The following PCDH9 variants were observed in gnomAD, a reference collection of about 807,000 sequenced individuals.
PCDH9 encodes protocadherin-9.
A neutral mutation model predicts 70.6 loss-of-function variants in PCDH9; 24 were observed. The observed-to-expected ratio is 0.34, with a 90% confidence interval of 0.25 to 0.48. The LOEUF is 0.48. Among genes scored for constraint, PCDH9 ranks in the 20% least tolerant of loss-of-function variants. PCDH9 has a pLI of 0.99. For synonymous variants in PCDH9, 562 were observed against 558.5 expected (o/e 1.01, Z -0.09); for missense variants, 1,281 against 1,503.6 (o/e 0.85, Z 2.45).
intron 3 of PCDH9, among the ~76,000 whole-genome samples, chr13:66,883,653 A>G (rs1329942555): frequency 6.6e-6 from 1 of 152,202 alleles, no homozygotes; most frequent in Non-Finnish European, 1.5e-5. Flanking sequence ...GGAGTTAAAA[A>G]AAGGCCTTCA....
intron 4 of PCDH9, among the ~76,000 whole-genome samples, chr13:66,534,345 T>C (rs1249853775): frequency 6.6e-6 from 1 of 152,158 alleles, no homozygotes; most frequent in African/African-American, 2.4e-5. Context: ...TGAAATTTAT[T>C]TCTCACAGTT....
At chr13:66,898,017 T>A (rs1048509464) in intron 3 of PCDH9, among the ~76,000 whole-genome samples, 4 of 152,072 alleles carry the variant, frequency 2.6e-5, no homozygotes, top group African/African-American at 4.8e-5. Flanking sequence ...TTGCCATTTT[T>A]CTGAGGTGCA....
intron 3 of PCDH9, among the ~76,000 whole-genome samples, chr13:66,874,951 G>C (rs2081774345): frequency 6.6e-6 from 1 of 151,476 alleles, no homozygotes. Flanking sequence ...GTGAGAGAGA[G>C]AGAGAGAGAG....
intron 2 of PCDH9, among the ~76,000 whole-genome samples, chr13:67,039,980 T>G (rs947287166): frequency 6.6e-6 from 1 of 151,926 alleles, no homozygotes; most frequent in African/African-American, 2.4e-5. Context: ...AGTTGAGAAT[T>G]GGTTGGTGTG....
At chr13:66,321,865 A>AT (rs1955761193) in intron 4 of PCDH9, among the ~76,000 whole-genome samples, 1 of 151,714 alleles carries the variant, frequency 6.6e-6, no homozygotes, top group African/African-American at 2.4e-5. Context: ...CTTGTCATCC[A>AT]TTCTTTGTTT....
rs1380725575 is a variant in PCDH9 at position 66,631,271 on chromosome 13, G to A, written c.3279C>T (p.Phe1093=). ...TCTTGTCCGGAGAGGCCTGGTCATA[G>A]AATTCGTCCTGTGGCTGAACCAGAG... is the stretch of plus-strand genomic sequence containing the variant. ...PLPLVQPQDE[F]YDQASPDKRT... is the part of the protein sequence containing the mutation. Residue 1093 remains phenylalanine (F), a synonymous_variant, in exon 4 of 5, where the codon TTC becomes TTT. Coordinates refer to ENST00000377865, the MANE Select transcript of PCDH9 (RefSeq NM_203487.3). The A allele has an allele frequency of 5.0e-6, 8 of 1,611,258 alleles. No homozygotes were observed. The South Asian group carries it at 8.8e-5, about 18-fold the overall frequency.
At chr13:66,522,286 G>T (rs1329392361) in intron 4 of PCDH9, among the ~76,000 whole-genome samples, 6 of 151,626 alleles carry the variant, frequency 4.0e-5, no homozygotes, top group African/African-American at 1.5e-4. Context: ...CAAAATAAGT[G>T]ACAAAGACAA....
intron 4 of PCDH9, among the ~76,000 whole-genome samples, chr13:66,443,344 G>T (rs977426254): frequency 1.3e-5 from 2 of 152,064 alleles, no homozygotes; most frequent in African/African-American, 4.8e-5. Flanking sequence ...TGGTCAAAAA[G>T]GGCATAGCAT....
At chr13:66,619,498 A>G (rs1182721947) in intron 4 of PCDH9, among the ~76,000 whole-genome samples, 1 of 152,172 alleles carries the variant, frequency 6.6e-6, no homozygotes, top group Admixed American at 6.5e-5. Flanking sequence ...AAAATTCACC[A>G]TGGTCATTTT....
At chr13:66,497,227 C>T (rs777788426) in intron 4 of PCDH9, among the ~76,000 whole-genome samples, 20 of 151,768 alleles carry the variant, frequency 1.3e-4, no homozygotes, top group Non-Finnish European at 2.5e-4. Context: ...TGTCACCACA[C>T]CTGGCTATTT....
intron 3 of PCDH9, among the ~76,000 whole-genome samples, chr13:66,654,897 T>C: frequency 6.6e-6 from 1 of 151,976 alleles, no homozygotes; most frequent in East Asian, 1.9e-4. Context: ...GTTTTTGTTT[T>C]TGTTTTTTTG....
chr13:67,100,139 A>C (rs2086402100), intron 2 of PCDH9, among the ~76,000 whole-genome samples: 1 of 152,208 alleles, frequency 6.6e-6, no homozygotes, highest in African/African-American at 2.4e-5. Flanking sequence ...AAGGAACTTG[A>C]CATTACTTCA....
At chr13:66,885,140 A>G (rs2081986194) in intron 3 of PCDH9, among the ~76,000 whole-genome samples, 1 of 152,094 alleles carries the variant, frequency 6.6e-6, no homozygotes, top group African/African-American at 2.4e-5. Context: ...TAATCTTCTG[A>G]TGCTCTCCTA....
intron 3 of PCDH9, among the ~76,000 whole-genome samples, chr13:66,838,820 T>A (rs553704006): frequency 6.6e-6 from 1 of 152,116 alleles, no homozygotes; most frequent in Non-Finnish European, 1.5e-5. Context: ...CTGCTTATAA[T>A]GTATGATGCA....
At chr13:66,314,688 T>C (rs564566125) in intron 4 of PCDH9, among the ~76,000 whole-genome samples, 1 of 152,326 alleles carries the variant, frequency 6.6e-6, no homozygotes, top group East Asian at 1.9e-4. Flanking sequence ...AAAATTCCCC[T>C]GAATTTACCG....
intron 4 of PCDH9, among the ~76,000 whole-genome samples, chr13:66,428,392 GAT>G (rs1433260018): frequency 3.3e-5 from 5 of 151,744 alleles, no homozygotes; most frequent in Non-Finnish European, 5.9e-5. Flanking sequence ...CTATCCACTT[GAT>G]TTATAGCCCA....
chr13:67,103,866 T>C (rs1594516290), intron 2 of PCDH9, among the ~76,000 whole-genome samples: 3 of 152,272 alleles, frequency 2.0e-5, no homozygotes, highest in East Asian at 3.9e-4. Context: ...ATTTTGGCAG[T>C]TGTGTACATG....
rs528007278 is a variant in PCDH9, at chr13:66,889,956, T to C, written c.3138+13548A>G. Among the ~76,000 whole-genome samples, 194 of 152,268 alleles carry C rather than the reference T, an allele frequency of 1.3e-3. 1 individual carries two copies. Among genetic ancestry groups the C allele is most frequent in the Middle Eastern group, 3.4e-3 (1 of 294 alleles). The stretch of plus-strand genomic sequence containing the variant: ...TATTGGTGTATTGATTTTAATCAAA[T>C]ACATTACTCTGGGTAACAGCTTCTT... On this transcript the variant is annotated intron_variant, in intron 3 of 4. Coordinates refer to ENST00000377865, the MANE Select transcript of PCDH9 (RefSeq NM_203487.3).
At chr13:66,951,222 A>T (rs2083174915) in intron 2 of PCDH9, among the ~76,000 whole-genome samples, 1 of 152,158 alleles carries the variant, frequency 6.6e-6, no homozygotes, top group Non-Finnish European at 1.5e-5. Flanking sequence ...CAAGAAATAT[A>T]TACCTTTTTT....
Sources: gnomAD v4.1 joint callset for allele counts (sites outside exome capture counted in the v4.1 genomes callset) on GRCh38, gnomAD v4.1.1 for gene constraint, MANE v1.5 for transcripts, NCBI Gene and HGNC (gene_info 2026-07-23, HGNC 2026-07-21) for gene names.